The following VPS37D variants were observed in gnomAD, a reference collection of about 807,000 sequenced individuals.
VPS37D encodes vacuolar protein sorting-associated protein 37D.
In VPS37D, 5 loss-of-function variants were observed where a neutral mutation model predicts 22.0. That is an observed-to-expected ratio of 0.23 (90% confidence interval 0.12 to 0.48). The LOEUF (loss-of-function observed/expected upper bound fraction) is 0.48. Ranked by LOEUF, VPS37D falls within the 20% of genes least tolerant of loss-of-function variation. The probability of loss-of-function intolerance (pLI) is 0.99; values close to 1 mark genes in which losing one functional copy is unlikely to be tolerated. For missense variants in VPS37D, 384 were observed against 345.8 expected (o/e 1.11, Z -0.88); for synonymous variants, 174 against 159.3 (o/e 1.09, Z -0.69).
Position 73,667,835 on chromosome 7 carries a change from C to T in VPS37D, c.-124C>T. 9.0e-6 allele frequency: 2 copies of T among 222,930 alleles called. No individual in the cohort carries two copies. Among genetic ancestry groups the T allele is most frequent in the Non-Finnish European group, 1.5e-5 (2 of 131,126 alleles). The allele number at this position is 222,930 out of a possible 1,614,324, so 13.8% of individuals were successfully genotyped here. On this transcript the variant is annotated 5_prime_UTR_variant, in exon 1 of 4. Transcript: ENST00000324941. ...GGAGGGGCGCCCCCTGGCGGCGGAG[C>T]GGTGCGTGCGGCCGGAGCCGGAGCG...
chr7:73,669,362 G>C, intron 1 of VPS37D, 57 bp from the exon 2 acceptor site: 3 of 1,487,818 alleles, frequency 2.0e-6, no homozygotes, highest in South Asian at 2.6e-5. Context: ...GGACGGGGCA[G>C]TAGGGTGGAC....
intron 1 of VPS37D, 54 bp from the exon 2 acceptor site, chr7:73,669,365 G>A: frequency 6.7e-7 from 1 of 1,492,382 alleles, no homozygotes; most frequent in South Asian, 1.3e-5. Flanking sequence ...CGGGGCAGTA[G>A]GGTGGACAGG....
chr7:73,671,436 TC>T lies in VPS37D; in HGVS notation c.*62del. The T allele has an allele frequency of 1.0e-6, 1 of 1,003,046 alleles. No homozygotes were observed. The highest frequency in any genetic ancestry group is 1.3e-6 in the Non-Finnish European group (1 of 755,844). 62.1% of individuals were successfully genotyped at this position (1,003,046 alleles called of 1,614,324 possible). A position where few individuals can be genotyped will look rare whatever the true frequency, so the allele number is the denominator to read the frequency against. The stretch of plus-strand genomic sequence containing the variant: ...GACAAACTTGATGCGTGGCTCCTCC[TC>T]CTCCCCCACTGCCTGGGTGGGGGGA... On this transcript the variant is annotated 3_prime_UTR_variant, in exon 4 of 4. Coordinates refer to ENST00000324941, the MANE Select transcript of VPS37D (RefSeq NM_001077621.2).
upstream of VPS37D, among the ~76,000 whole-genome samples, chr7:73,665,616 C>G (rs1797358747): frequency 6.6e-6 from 1 of 152,202 alleles, no homozygotes; most frequent in South Asian, 2.1e-4. Context: ...TTCTCCCAGA[C>G]ATTGGCACCA....
At position 73,671,524 on chromosome 7, in the gene VPS37D, A is replaced by T; in HGVS notation, c.*148A>T. ...GGCCCTGGAGGCTGAGCTGGGGAGG[A>T]GGGTCCCCTGGAAGAGGCCCGAGAG... is the stretch of plus-strand genomic sequence containing the variant. On this transcript the variant is annotated 3_prime_UTR_variant, in exon 4 of 4. Coordinates refer to ENST00000324941, the MANE Select transcript of VPS37D (RefSeq NM_001077621.2). The T allele has an allele frequency of 2.1e-4, 16 of 75,980 alleles. No homozygotes were observed. Among genetic ancestry groups the T allele is most frequent in the East Asian group, 4.0e-4 (1 of 2,530 alleles). 4.7% of individuals were successfully genotyped at this position (75,980 alleles called of 1,614,324 possible).
intron 3 of VPS37D, 59 bp from the exon 4 acceptor site, chr7:73,670,955 G>A (rs1267490758): frequency 1.8e-5 from 28 of 1,577,060 alleles, no homozygotes; most frequent in Non-Finnish European, 2.3e-5. Flanking sequence ...AAGGAGTGAG[G>A]ACCAGTCCCC....
intron 1 of VPS37D, among the ~76,000 whole-genome samples, chr7:73,669,143 C>T (rs540436904): frequency 6.6e-6 from 1 of 152,004 alleles, no homozygotes; most frequent in East Asian, 1.9e-4. Context: ...TATAGTTTTC[C>T]TCACTTAAGT....
chr7:73,670,128 G>A, intron 3 of VPS37D, 26 bp downstream of exon 3: 3 of 1,549,924 alleles, frequency 1.9e-6, no homozygotes, highest in Non-Finnish European at 2.6e-6. Context: ...GCTGGGGCTG[G>A]GGGCCAGGAG....
Position 73,671,514 on chromosome 7 carries a change from G to C in VPS37D, c.*138G>C. 2.5e-6 allele frequency: 1 copy of C among 400,940 alleles called. No homozygotes were observed. Among genetic ancestry groups the C allele is most frequent in the Non-Finnish European group, 4.4e-6 (1 of 228,344 alleles). 24.8% of individuals were successfully genotyped at this position (400,940 alleles called of 1,614,324 possible). A position where few individuals can be genotyped will look rare whatever the true frequency, so the allele number is the denominator to read the frequency against. ...GGCAGGCCCTGGCCCTGGAGGCTGA[G>C]CTGGGGAGGAGGGTCCCCTGGAAGA... is the stretch of plus-strand genomic sequence containing the variant. On this transcript the variant is annotated 3_prime_UTR_variant, in exon 4 of 4. Coordinates refer to ENST00000324941, the MANE Select transcript of VPS37D (RefSeq NM_001077621.2).
Position 73,671,475 on chromosome 7 carries a change from T to G in VPS37D, c.*99T>G. The G allele has an allele frequency of 8.2e-6, 2 of 244,134 alleles. No homozygotes were observed. The highest frequency in any genetic ancestry group is 1.6e-4 in the East Asian group (1 of 6,264). 15.1% of individuals were successfully genotyped at this position (244,134 alleles called of 1,614,324 possible). ...CTGGGTGGGGGGAGGGGCAGGCCCC[T>G]CCCCCTGGCCTCAGGCAGGCCCTGG... On this transcript the variant is annotated 3_prime_UTR_variant, in exon 4 of 4. Transcript: ENST00000324941.
chr7:73,669,368 T>A, intron 1 of VPS37D, 51 bp from the exon 2 acceptor site: 2 of 1,493,308 alleles, frequency 1.3e-6, no homozygotes, highest in Non-Finnish European at 9.0e-7. Context: ...GGCAGTAGGG[T>A]GGACAGGGCA....
chr7:73,667,017 G>C (rs1554608778), upstream of VPS37D, among the ~76,000 whole-genome samples: 1 of 137,718 alleles, frequency 7.3e-6, no homozygotes, highest in African/African-American at 2.7e-5. Flanking sequence ...CTGTCACCCA[G>C]CCTGGAGTGC....
chr7:73,669,516 G>T lies in VPS37D; in HGVS notation c.236G>T (p.Arg79Leu). ...LALRPRLEMGRAALAIKYQEL... is the reference protein window; with the variant it reads ...LALRPRLEMGLAALAIKYQEL... The stretch of plus-strand genomic sequence containing the variant: ...CTGCGGCCCCGCCTGGAGATGGGCC[G>T]GGCTGCCCTGGCCATCAAATACCAG... The change falls in exon 2 of 4, where the codon CGG (arginine) becomes CTG (leucine). Residue 79 changes from arginine (R) to leucine (L), a missense_variant. By Grantham distance (102) the Arg-to-Leu change is moderately radical (BLOSUM62 -2). Coordinates refer to ENST00000324941, the MANE Select transcript of VPS37D (RefSeq NM_001077621.2). 6.3e-7 allele frequency: 1 copy of T among 1,584,010 alleles called. No homozygotes were observed. The highest frequency in any genetic ancestry group is 2.3e-5 in the East Asian group (1 of 43,166).
chr7:73,671,354 A>G lies in VPS37D; in HGVS notation c.734A>G (p.Gln245Arg), dbSNP rs1321278851. 15 of 1,375,598 alleles carry G rather than the reference A, an allele frequency of 1.1e-5. No individual in the cohort carries two copies. In the Admixed American group the frequency reaches 4.1e-4, roughly 38 times the overall value. 85.2% of individuals were successfully genotyped at this position (1,375,598 alleles called of 1,614,324 possible). A position where few individuals can be genotyped will look rare whatever the true frequency, so the allele number is the denominator to read the frequency against. ...PAPLLSPRPSQPEPPHR is the reference protein window; with the variant it reads ...PAPLLSPRPSRPEPPHR ...CCCCTGCTGAGCCCTCGGCCCTCGCAGCCAGAGCCCCCCCACCGGTAGGAT... is the reference window on the plus strand; with the variant it reads ...CCCCTGCTGAGCCCTCGGCCCTCGCGGCCAGAGCCCCCCCACCGGTAGGAT... The change falls in exon 4 of 4, where the codon CAG (glutamine) becomes CGG (arginine). Residue 245 changes from glutamine to arginine, a missense_variant. Gln to Arg is a conservative substitution (Grantham distance 43, BLOSUM62 1). Transcript: ENST00000324941.
upstream of VPS37D, among the ~76,000 whole-genome samples, chr7:73,666,346 C>G (rs1554608627): frequency 6.6e-6 from 1 of 152,152 alleles, no homozygotes; most frequent in African/African-American, 2.4e-5. Context: ...GCTCTGTGGA[C>G]ACTGTACAAA....
intron 2 of VPS37D, 96 bp from the exon 3 acceptor site, chr7:73,669,924 A>G (rs1554609414): frequency 2.0e-6 from 3 of 1,535,876 alleles, no homozygotes; most frequent in South Asian, 2.4e-5. Context: ...GCTCTAGACC[A>G]GGGGAAAGGG....
intron 1 of VPS37D, among the ~76,000 whole-genome samples, chr7:73,668,730 C>T (rs1027374747): frequency 3.0e-4 from 46 of 151,922 alleles, no homozygotes; most frequent in Non-Finnish European, 5.9e-5. Flanking sequence ...AGTGCGTTCT[C>T]CAGGGGCAGG....
At chr7:73,669,284 C>T in intron 1 of VPS37D, 135 bp from the exon 2 acceptor site, 1 of 1,179,014 alleles carries the variant, frequency 8.5e-7, no homozygotes, top group East Asian at 2.6e-5. Context: ...CTGTTGGGTT[C>T]ACCACCCTGA....
In VPS37D at chr7:73,671,234, G is replaced by C. The variant is rs369607047; in HGVS notation, c.614G>C (p.Arg205Pro). The change falls in exon 4 of 4, where the codon CGG (arginine) becomes CCG (proline). Residue 205 changes from arginine (R) to proline (P), a missense_variant. Physicochemically the swap from Arg to Pro is moderately radical, Grantham distance 103 (BLOSUM62 -2). Transcript: ENST00000324941. Reference sequence around the variant, plus strand: ...GCTGTCCTGCCCACTGGGGCCGCCCGGGGGCCACCAGCAGTGCCCCGGAGC... The same window carrying C: ...GCTGTCCTGCCCACTGGGGCCGCCCCGGGGCCACCAGCAGTGCCCCGGAGC... ...AAAVLPTGAARGPPAVPRSLP... is the reference protein window; with the variant it reads ...AAAVLPTGAAPGPPAVPRSLP... 1.3e-6 allele frequency: 2 copies of C among 1,547,998 alleles called. No homozygotes were observed. The highest frequency in any genetic ancestry group is 1.7e-6 in the Non-Finnish European group (2 of 1,149,330).
Sources: allele counts gnomAD v4.1 joint callset (sites outside exome capture counted in the v4.1 genomes callset), GRCh38; gene constraint gnomAD v4.1.1; transcripts MANE v1.5; gene names NCBI Gene and HGNC (gene_info 2026-07-23, HGNC 2026-07-21).